Variants in ANK3 observed in about 807,000 individuals in gnomAD.
The protein encoded by ANK3 is ankyrin 3, also known as ankyrin-3.
In ANK3, 57 loss-of-function variants were observed where a neutral mutation model predicts 370.9. The observed-to-expected ratio is 0.15, with a 90% CI of 0.12 to 0.19. The LOEUF is 0.19. Among genes scored for constraint, ANK3 ranks in the 10% least tolerant of loss-of-function variants. The pLI, the probability that ANK3 is intolerant of heterozygous loss-of-function variation, is 1.00. For missense variants in ANK3, 4,439 were observed against 5,302.1 expected, an observed-to-expected ratio of 0.84 and a Z score of 5.06; for synonymous variants, 1,929 against 1,946.3, an observed-to-expected ratio of 0.99 and a Z score of 0.23.
intron 2 of ANK3, among the ~76,000 whole-genome samples, chr10:60,470,055 C>G (rs1300626097): frequency 6.6e-6 from 1 of 152,008 alleles, no homozygotes; most frequent in African/African-American, 2.4e-5. Flanking sequence ...GAATAGTTTT[C>G]CTCTTATAGA....
rs1007659494 is a variant in ANK3, at chr10:60,330,555, T to A, written c.115-50916A>T. 6.6e-5 allele frequency among the ~76,000 whole-genome samples: 10 copies of A among 152,028 alleles called. No individual in the cohort carries two copies. In the East Asian group the frequency reaches 1.7e-3, roughly 26 times the overall value. The stretch of plus-strand genomic sequence containing the variant: ...TCACTGGTCGTTAGAAAAATGCAAA[T>A]CAAAACCACAATGAGCTCTCACGCC... On this transcript the variant is annotated intron_variant, in intron 1 of 43. Transcript: ENST00000280772.
At position 60,616,235 on chromosome 10, in the gene ANK3, G is replaced by T. The variant is rs573756450; in HGVS notation, c.58-1011C>A. Reference sequence around the variant, plus strand: ...TTCTAAAACCTTAACTTTATTCCTGGTGTCTCAGCTACATTTTCTTATTTA... The same window carrying T: ...TTCTAAAACCTTAACTTTATTCCTGTTGTCTCAGCTACATTTTCTTATTTA... On this transcript the variant is annotated intron_variant, in intron 1 of 43. Transcript: ENST00000373827. Among the ~76,000 whole-genome samples the T allele has an allele frequency of 3.3e-5, 5 of 152,142 alleles. No individual in the cohort carries two copies. The South Asian group carries it at 1.0e-3, about 32-fold the overall frequency.
intron 2 of ANK3, among the ~76,000 whole-genome samples, chr10:60,465,932 T>C (rs1469409449): frequency 6.6e-6 from 1 of 152,042 alleles, no homozygotes. Context: ...GGAACTACCC[T>C]AGAGATCATC....
chr10:60,387,089 G>A (rs573230610), intron 1 of ANK3, among the ~76,000 whole-genome samples: 36 of 152,144 alleles, frequency 2.4e-4, no homozygotes, highest in African/African-American at 8.7e-4. Context: ...GAAGCCAGGA[G>A]GTGGAGGTTG....
intron 1 of ANK3, among the ~76,000 whole-genome samples, chr10:60,367,760 C>T (rs947246684): frequency 2.0e-5 from 3 of 152,202 alleles, no homozygotes; most frequent in Non-Finnish European, 2.9e-5. Flanking sequence ...CTCCTGTGTC[C>T]TCAGTGACAT....
intron 23 of ANK3, among the ~76,000 whole-genome samples, chr10:60,154,565 A>T (rs2095267037): frequency 6.6e-6 from 1 of 152,178 alleles, no homozygotes. Context: ...AGGCTGGGGC[A>T]GGTGGATCAC....
chr10:60,079,025 G>T (rs1279566486), intron 36 of ANK3, among the ~76,000 whole-genome samples: 1 of 152,108 alleles, frequency 6.6e-6, no homozygotes, highest in Non-Finnish European at 1.5e-5. Context: ...ACCTAAAGCG[G>T]CTGGTCCATT....
At chr10:60,050,162 C>CTGAT (rs745766178) in intron 42 of ANK3, among the ~76,000 whole-genome samples, 1 of 152,048 alleles carries the variant, frequency 6.6e-6, no homozygotes, top group Admixed American at 6.5e-5. Flanking sequence ...TGTGAGGTGA[C>CTGAT]TGATTATGAG....
chr10:60,368,060 C>T (rs2059623858), intron 1 of ANK3, among the ~76,000 whole-genome samples: 1 of 152,010 alleles, frequency 6.6e-6, no homozygotes, highest in South Asian at 2.1e-4. Flanking sequence ...CCACGTGTTG[C>T]AATAATGAAA....
intron 5 of ANK3, among the ~76,000 whole-genome samples, chr10:60,265,699 A>G (rs1382204479): frequency 6.6e-6 from 1 of 152,186 alleles, no homozygotes; most frequent in Non-Finnish European, 1.5e-5. Flanking sequence ...CATATGCACC[A>G]AGGTCTTCCT....
In ANK3 at chr10:60,072,699, C is replaced by T. The variant is rs1285936519; in HGVS notation, c.8182G>A (p.Ala2728Thr). 7.4e-6 allele frequency: 12 copies of T among 1,613,162 alleles called. No individual in the cohort carries two copies. The highest frequency in any genetic ancestry group is 2.2e-5 in the East Asian group (1 of 44,880). The change falls in exon 37 of 44, where the codon GCA (alanine) becomes ACA (threonine). Residue 2728 changes from alanine to threonine, a missense_variant. Around this residue, in one of 13 missense-constraint regions of ANK3, gnomAD observed 1,601 missense variants for 1,731.7 expected, o/e 0.92. Transcript: ENST00000280772. ...IRLKFEQGTH[A>T]KSKDMSQEDR... is the part of the protein sequence containing the mutation. ...TCTTGAGACATGTCCTTACTTTTTG[C>T]GTGTGTGCCTTGTTCAAATTTTAAT...
chr10:60,495,905 G>T (rs2075642574), intron 2 of ANK3, among the ~76,000 whole-genome samples: 1 of 151,854 alleles, frequency 6.6e-6, no homozygotes, highest in Non-Finnish European at 1.5e-5. Flanking sequence ...ATTCAGAAAG[G>T]CATTTAATAA....
In ANK3 at chr10:60,064,164, AT is replaced by A; in HGVS notation, c.12443del (p.Asn4148MetfsTer7). On this transcript the variant is annotated frameshift_variant, in exon 39 of 44. Transcript: ENST00000280772. LOFTEE classifies it high-confidence loss of function. ...LKKWVTRDGK[N>X]ATTDALTSVL... ...AATATAATTTCGGCATACTTGTGGC[AT>A]TTTTTCCGTCTCTGGTAACCCATTT... 3.9e-6 allele frequency: 6 copies of A among 1,556,328 alleles called. No homozygotes were observed. The highest frequency in any genetic ancestry group is 2.3e-5 in the Admixed American group (1 of 43,318).
At chr10:60,392,681 C>A (rs1028560495), upstream of ANK3, among the ~76,000 whole-genome samples, 1 of 152,202 alleles carries the variant, frequency 6.6e-6, no homozygotes, top group Admixed American at 6.5e-5. Context: ...ATAATCCCAG[C>A]ACTTTGGGAG....
At chr10:60,597,018 T>C (rs2077996866) in intron 2 of ANK3, among the ~76,000 whole-genome samples, 1 of 152,192 alleles carries the variant, frequency 6.6e-6, no homozygotes, top group Non-Finnish European at 1.5e-5. Context: ...ATTCAATCAA[T>C]ATGAAATTTT....
chr10:60,364,422 T>C (rs1190848227), intron 1 of ANK3, among the ~76,000 whole-genome samples: 1 of 151,946 alleles, frequency 6.6e-6, no homozygotes, highest in East Asian at 1.9e-4. Flanking sequence ...AAACCATCAT[T>C]CTCAACAAAC....
intron 1 of ANK3, among the ~76,000 whole-genome samples, chr10:60,309,818 C>T (rs2045939676): frequency 6.6e-6 from 1 of 151,778 alleles, no homozygotes; most frequent in African/African-American, 2.4e-5. Flanking sequence ...ATAAGAGTTA[C>T]ATATGCAAAA....
chr10:60,489,836 C>T (rs2075447685), intron 2 of ANK3, among the ~76,000 whole-genome samples: 1 of 152,176 alleles, frequency 6.6e-6, no homozygotes. Flanking sequence ...AACAAACCTT[C>T]TTCACAGGAA....
chr10:60,468,273 C>T (rs1043985511), intron 2 of ANK3, among the ~76,000 whole-genome samples: 13 of 152,020 alleles, frequency 8.6e-5, no homozygotes, highest in African/African-American at 2.4e-4. Context: ...CAGGAGCCAC[C>T]GTGCCCGGCC....
Sources: gnomAD v4.1 joint callset for allele counts (sites outside exome capture counted in the v4.1 genomes callset) on GRCh38, gnomAD v4.1.1 for gene constraint, gnomAD v4.1.1 regional missense constraint, MANE v1.5 for transcripts, NCBI Gene and HGNC (gene_info 2026-07-23, HGNC 2026-07-21) for gene names.